The following BBX variants were observed in gnomAD, a reference collection of about 807,000 sequenced individuals.
BBX encodes BBX high mobility group box domain containing, also known as HMG box transcription factor BBX.
In BBX, 30 loss-of-function variants were observed where a neutral mutation model predicts 100.2. The ratio of observed to expected loss-of-function variants is 0.30; its 90% CI spans 0.22 to 0.41. The LOEUF is 0.41. BBX is among the 10% of genes least tolerant of loss of function. The pLI, the probability that BBX is intolerant of heterozygous loss-of-function variation, is 1.00. For missense variants in BBX, 1,023 were observed against 1,129.8 expected (o/e 0.91, Z 1.35); for synonymous variants, 376 against 388.1 (o/e 0.97, Z 0.37).
chr3:107,569,128 G>T (rs1455071229), intron 2 of BBX, among the ~76,000 whole-genome samples: 1 of 152,124 alleles, frequency 6.6e-6, no homozygotes. Flanking sequence ...AACTGTACTA[G>T]GTTATTTTAT....
chr3:107,785,775 A>G (rs2068356318), intron 13 of BBX, among the ~76,000 whole-genome samples: 1 of 152,098 alleles, frequency 6.6e-6, no homozygotes, highest in African/African-American at 2.4e-5. Context: ...GGGGCAATAC[A>G]AGAATATCCA....
chr3:107,747,767 G>A (rs192686559), intron 8 of BBX, among the ~76,000 whole-genome samples, 198 bp from the exon 9 acceptor site: 1 of 151,058 alleles, frequency 6.6e-6, no homozygotes, highest in East Asian at 1.9e-4. Context: ...CTCAGTCTTT[G>A]TTCTTTATAA....
intron 5 of BBX, among the ~76,000 whole-genome samples, chr3:107,724,428 A>T (rs1050505021): frequency 4.0e-5 from 6 of 151,764 alleles, no homozygotes; most frequent in Admixed American, 2.6e-4. Context: ...CCCATTTGTC[A>T]ATTTTGTCTT....
chr3:107,624,675 C>G (rs1172673892), intron 2 of BBX, among the ~76,000 whole-genome samples: 1 of 152,024 alleles, frequency 6.6e-6, no homozygotes, highest in African/African-American at 2.4e-5. Context: ...TTGAGACTAG[C>G]CTGGTCAACA....
At chr3:107,802,427 G>C (rs531221406) in intron 17 of BBX, among the ~76,000 whole-genome samples, 2 of 152,364 alleles carry the variant, frequency 1.3e-5, no homozygotes, top group South Asian at 4.1e-4. Flanking sequence ...CACAGACATT[G>C]TTAAAATTCA....
chr3:107,558,704 CATTA>C (rs1438518164), intron 2 of BBX, among the ~76,000 whole-genome samples: 2 of 152,094 alleles, frequency 1.3e-5, no homozygotes, highest in African/African-American at 4.8e-5. Flanking sequence ...CTAGATGGGA[CATTA>C]CACTGAGTTA....
intron 2 of BBX, among the ~76,000 whole-genome samples, chr3:107,535,243 A>G (rs2107327082): frequency 6.6e-6 from 1 of 152,020 alleles, no homozygotes; most frequent in Admixed American, 6.6e-5. Context: ...AATTCTCCCC[A>G]ATTTTTTTTT....
intron 2 of BBX, among the ~76,000 whole-genome samples, chr3:107,605,174 A>C (rs1249370743): frequency 6.6e-6 from 1 of 152,202 alleles, no homozygotes; most frequent in African/African-American, 2.4e-5. Context: ...GATTAACAAC[A>C]GAAGGAAATA....
intron 2 of BBX, among the ~76,000 whole-genome samples, chr3:107,567,253 A>G (rs1252236438): frequency 1.3e-5 from 2 of 152,072 alleles, no homozygotes; most frequent in African/African-American, 2.4e-5. Flanking sequence ...TATCAGGTTA[A>G]TATTATGTCT....
At chr3:107,673,192 C>T (rs1400544638) in intron 3 of BBX, among the ~76,000 whole-genome samples, 1 of 151,950 alleles carries the variant, frequency 6.6e-6, no homozygotes, top group Non-Finnish European at 1.5e-5. Flanking sequence ...AAGAGTTTCA[C>T]GTTAACAGAC....
At chr3:107,696,886 T>C (rs2060645522) in intron 3 of BBX, among the ~76,000 whole-genome samples, 1 of 151,522 alleles carries the variant, frequency 6.6e-6, no homozygotes, top group African/African-American at 2.4e-5. Flanking sequence ...TCTTGGAGGC[T>C]TTGGTCGTTT....
In BBX at chr3:107,773,119, A is replaced by G; in HGVS notation, c.1398A>G (p.Lys466=). 6.2e-7 allele frequency: 1 copy of G among 1,614,078 alleles called. No homozygotes were observed. Among genetic ancestry groups the G allele is most frequent in the African/African-American group, 1.3e-5 (1 of 75,020 alleles). The change falls in exon 11 of 18, where the codon AAA becomes AAG. Residue 466 remains lysine, a synonymous_variant. Coordinates refer to ENST00000325805, the MANE Select transcript of BBX (RefSeq NM_001142568.3). This position sits in a 1 kb window ranked among gnomAD's most constrained non-coding sequence, Gnocchi z 4.1. ...KSKMDRHGND[K]STPKKTCKKR... is the part of the protein sequence containing the mutation. ...AAATGGATCGACATGGAAATGATAA[A>G]TCCACACCCAAGAAGACTTGCAAAA... is the stretch of plus-strand genomic sequence containing the variant.
chr3:107,663,960 T>C (rs1440745876), intron 3 of BBX, among the ~76,000 whole-genome samples: 1 of 151,868 alleles, frequency 6.6e-6, no homozygotes, highest in African/African-American at 2.4e-5. Flanking sequence ...CACCTGCCAC[T>C]GTGCCCAGCT....
At chr3:107,686,391 T>C (rs915547053) in intron 3 of BBX, among the ~76,000 whole-genome samples, 1 of 152,054 alleles carries the variant, frequency 6.6e-6, no homozygotes, top group African/African-American at 2.4e-5. Context: ...AGATTTAATA[T>C]AAGAAGAGCT....
chr3:107,710,756 A>C (rs2061666117), intron 4 of BBX, 134 bp downstream of exon 4: 3 of 809,030 alleles, frequency 3.7e-6, no homozygotes, highest in Non-Finnish European at 5.6e-6. Flanking sequence ...TCAATTACTT[A>C]GTTTACATTT....
intron 10 of BBX, among the ~76,000 whole-genome samples, chr3:107,771,669 A>G (rs147599868): frequency 7.2e-4 from 109 of 152,290 alleles, no homozygotes; most frequent in Non-Finnish European, 1.0e-3. Flanking sequence ...CATCAGATCA[A>G]TTTGCCAGCA....
chr3:107,713,315 T>C (rs1383252345), intron 4 of BBX, among the ~76,000 whole-genome samples: 1 of 152,186 alleles, frequency 6.6e-6, no homozygotes. Context: ...CTGGGTTTTC[T>C]AGTTTGGGTT....
rs960533998 is a variant in BBX, at chr3:107,696,817, C to T, written c.-9-13635C>T. The stretch of plus-strand genomic sequence containing the variant: ...TTTTCCAACTTGGTTCCATTCTCCC[C>T]GTCACTTTCAGGTACACCAATCAGA... On this transcript the variant is annotated intron_variant, in intron 3 of 17. Transcript: ENST00000325805. Among the ~76,000 whole-genome samples the T allele has an allele frequency of 1.8e-3, 267 of 151,498 alleles. 4 individuals are homozygous for T. Among genetic ancestry groups the T allele is most frequent in the African/African-American group, 6.1e-3 (251 of 40,926 alleles).
intron 13 of BBX, among the ~76,000 whole-genome samples, chr3:107,781,281 T>A (rs558420543): frequency 1.3e-5 from 2 of 152,196 alleles, no homozygotes; most frequent in South Asian, 4.1e-4. Flanking sequence ...CTTCCTCTTA[T>A]GTCTGTGTCA....
Sources: gnomAD v4.1 joint callset for allele counts (sites outside exome capture counted in the v4.1 genomes callset) on GRCh38, gnomAD v4.1.1 for gene constraint, Gnocchi (gnomAD v3.1) non-coding constraint, MANE v1.5 for transcripts, NCBI Gene and HGNC (gene_info 2026-07-23, HGNC 2026-07-21) for gene names.